The following VTI1A variants were observed in gnomAD, a reference collection of about 807,000 sequenced individuals.
VTI1A encodes the protein vesicle transport through interaction with t-SNAREs homolog 1A.
A neutral mutation model predicts 34.9 loss-of-function variants in VTI1A; 22 were observed. The observed-to-expected ratio is 0.63, with a 90% CI of 0.45 to 0.90. The LOEUF (loss-of-function observed/expected upper bound fraction) is 0.90. Ranked by LOEUF, VTI1A falls within the 40% of genes least tolerant of loss-of-function variation. The pLI is 0.00. For synonymous variants in VTI1A, 87 were observed against 97.3 expected (o/e 0.89, Z 0.62); for missense variants, 268 against 275.6 (o/e 0.97, Z 0.20).
intron 5 of VTI1A, among the ~76,000 whole-genome samples, chr10:112,572,662 C>T (rs537459931): frequency 1.3e-5 from 2 of 150,820 alleles, no homozygotes; most frequent in East Asian, 1.9e-4. Flanking sequence ...CACGGTGAAA[C>T]CCCGTCTCTA....
chr10:112,815,137 G>GCACA (rs553734279), intron 7 of VTI1A, among the ~76,000 whole-genome samples, 153 bp from the exon 8 acceptor site: 8,373 of 76,786 alleles, frequency 0.11, 351 homozygotes, highest in African/African-American at 0.19. Flanking sequence ...TCTTTCGCGC[G>GCACA]CGCACACACA....
At chr10:112,841,629 A>G in the VTI1A span, among the ~76,000 whole-genome samples, 2 of 152,188 alleles carry the variant, frequency 1.3e-5, no homozygotes. Context: ...TGGAGCTGTC[A>G]TCACAAAATA....
chr10:112,531,106 T>TACACAC (rs1850419123), intron 4 of VTI1A, among the ~76,000 whole-genome samples: 2 of 47,694 alleles, frequency 4.2e-5, no homozygotes, highest in Non-Finnish European at 1.1e-4. Flanking sequence ...CACACACACG[T>TACACAC]GCGCACGTGC....
chr10:112,540,791 G>A (rs1034188087), intron 5 of VTI1A, among the ~76,000 whole-genome samples: 1 of 152,172 alleles, frequency 6.6e-6, no homozygotes, highest in Non-Finnish European at 1.5e-5. Context: ...TATCAGAACA[G>A]CATCTTTGGA....
At chr10:112,852,831 T>A in the VTI1A span, among the ~76,000 whole-genome samples, 1 of 152,078 alleles carries the variant, frequency 6.6e-6, no homozygotes, top group Non-Finnish European at 1.5e-5. Context: ...CAGGCTGGAG[T>A]GTGGTGGCAC....
In VTI1A at chr10:112,817,707, T is replaced by C; in HGVS notation, c.*2324T>C. ...AGGCCAATTGCTCTCCTTCCTTCCC[T>C]GCCCCACCAGGAAAGGAATAACGTC... On this transcript the variant is annotated 3_prime_UTR_variant, in exon 8 of 8. Transcript: ENST00000393077. 4.4e-6 allele frequency: 1 copy of C among 228,452 alleles called. No homozygotes were observed. The highest frequency in any genetic ancestry group is 8.7e-6 in the Non-Finnish European group (1 of 115,020). 14.2% of individuals were successfully genotyped at this position (228,452 alleles called of 1,614,324 possible). A position where few individuals can be genotyped will look rare whatever the true frequency, so the allele number is the denominator to read the frequency against.
chr10:112,453,859 C>T (rs1215655100), intron 1 of VTI1A, among the ~76,000 whole-genome samples: 2 of 152,086 alleles, frequency 1.3e-5, no homozygotes, highest in Non-Finnish European at 2.9e-5. Context: ...GGTGTTGTTG[C>T]CTCTGGAACC....
intron 3 of VTI1A, among the ~76,000 whole-genome samples, chr10:112,502,023 A>AAT (rs1849260311): frequency 8.0e-6 from 1 of 125,028 alleles, no homozygotes; most frequent in Admixed American, 8.3e-5. Context: ...TAGAATCCTT[A>AAT]CTTTTTTTTT....
At chr10:112,724,309 C>T (rs1332276700) in intron 7 of VTI1A, among the ~76,000 whole-genome samples, 1 of 152,120 alleles carries the variant, frequency 6.6e-6, no homozygotes, top group East Asian at 1.9e-4. Flanking sequence ...TTAAATATGC[C>T]AATCATCTAC....
At chr10:112,483,517 C>T (rs974788761) in intron 3 of VTI1A, among the ~76,000 whole-genome samples, 1 of 152,122 alleles carries the variant, frequency 6.6e-6, no homozygotes, top group African/African-American at 2.4e-5. Flanking sequence ...GTAAGTCTTT[C>T]TCTTTGGTCT....
At chr10:112,447,560 G>T (rs976791714) in intron 1 of VTI1A, 93 bp downstream of exon 1, 3 of 1,428,796 alleles carry the variant, frequency 2.1e-6, no homozygotes, top group Non-Finnish European at 2.9e-6. Context: ...TCTATGAGGC[G>T]CGAGGCTGGA....
At chr10:112,623,626 T>C (rs1733677525) in intron 5 of VTI1A, among the ~76,000 whole-genome samples, 2 of 152,000 alleles carry the variant, frequency 1.3e-5, no homozygotes, top group Admixed American at 6.6e-5. Flanking sequence ...GAACAAGAGA[T>C]TGGGGCTATA....
chr10:112,449,986 C>T (rs1325274908), intron 1 of VTI1A: 1 of 152,110 alleles, frequency 6.6e-6, no homozygotes, highest in Admixed American at 6.5e-5. Flanking sequence ...TGCAACCTCT[C>T]CCTCACGGCT....
intron 5 of VTI1A, among the ~76,000 whole-genome samples, chr10:112,590,715 T>G (rs1245143786): frequency 1.3e-5 from 2 of 151,562 alleles, no homozygotes; most frequent in Non-Finnish European, 2.9e-5. Context: ...TAAAATAAAT[T>G]TATTTATTTC....
At chr10:112,590,760 A>G (rs144860409) in intron 5 of VTI1A, among the ~76,000 whole-genome samples, 1 of 152,196 alleles carries the variant, frequency 6.6e-6, no homozygotes, top group Non-Finnish European at 1.5e-5. Flanking sequence ...AACAGAAGGT[A>G]TATGCCCAAG....
chr10:112,827,409 G>A, the VTI1A span: 2 of 152,064 alleles, frequency 1.3e-5, no homozygotes, highest in African/African-American at 4.8e-5. Flanking sequence ...GAGGAAAGCA[G>A]TTAGAATGTC....
At chr10:112,647,641 A>G (rs1564865112) in intron 5 of VTI1A, among the ~76,000 whole-genome samples, 1 of 152,240 alleles carries the variant, frequency 6.6e-6, no homozygotes, top group Non-Finnish European at 1.5e-5. Context: ...AAAGTTGTCA[A>G]GACTAAAAGT....
chr10:112,462,048 C>T (rs1345737613), intron 2 of VTI1A, among the ~76,000 whole-genome samples: 1 of 152,088 alleles, frequency 6.6e-6, no homozygotes, highest in Non-Finnish European at 1.5e-5. Context: ...CAGGGTTTCA[C>T]CATGTTAGTC....
rs554066763 is a variant in VTI1A, at chr10:112,658,200, G to A, written c.428-10018G>A. On this transcript the variant is annotated intron_variant, in intron 5 of 7. Coordinates refer to ENST00000393077, the MANE Select transcript of VTI1A (RefSeq NM_145206.4). ...TCTCCTAACCTCAAGTGATCTTCCC[G>A]CCTTAGCCTCCCAAGAAGCTGATAC... Among the ~76,000 whole-genome samples, 17 of 152,112 alleles carry A rather than the reference G, an allele frequency of 1.1e-4. No homozygotes were observed. The South Asian group carries it at 2.9e-3, about 26-fold the overall frequency.
Sources: allele counts gnomAD v4.1 joint callset (sites outside exome capture counted in the v4.1 genomes callset), GRCh38; gene constraint gnomAD v4.1.1; transcripts MANE v1.5; gene names NCBI Gene and HGNC (gene_info 2026-07-23, HGNC 2026-07-21).